The following ZCCHC7 variants were observed in gnomAD, a reference collection of about 807,000 sequenced individuals.
ZCCHC7 encodes the protein zinc finger CCHC domain-containing protein 7.
In ZCCHC7, 35 loss-of-function variants were observed where a neutral mutation model predicts 52.0. That is an observed-to-expected ratio of 0.67 (90% CI 0.51 to 0.89). The LOEUF (loss-of-function observed/expected upper bound fraction) is 0.89, where lower values mean the gene tolerates loss of function less well. Ranked by LOEUF, ZCCHC7 falls within the 40% of genes least tolerant of loss-of-function variation. The probability of loss-of-function intolerance (pLI) is 0.00; values close to 1 mark genes in which losing one functional copy is unlikely to be tolerated. For synonymous variants in ZCCHC7, 217 were observed against 221.5 expected (o/e 0.98, Z 0.18); for missense variants, 574 against 649.1 (o/e 0.88, Z 1.26).
intron 2 of ZCCHC7, among the ~76,000 whole-genome samples, chr9:37,182,183 T>A (rs886132919): frequency 6.6e-6 from 1 of 152,218 alleles, no homozygotes; most frequent in Non-Finnish European, 1.5e-5. Flanking sequence ...GAGGCTGGCC[T>A]TTTAATGAGT....
chr9:37,124,096 T>A (rs1040172233), intron 1 of ZCCHC7, among the ~76,000 whole-genome samples: 3 of 152,206 alleles, frequency 2.0e-5, no homozygotes, highest in Non-Finnish European at 4.4e-5. Flanking sequence ...ACCCTGGTAT[T>A]TTTGGGCAGA....
chr9:37,161,955 G>GGT (rs997088785), intron 2 of ZCCHC7, among the ~76,000 whole-genome samples: 19 of 152,208 alleles, frequency 1.2e-4, no homozygotes, highest in Middle Eastern at 3.4e-3. Context: ...TAGGCAACAT[G>GGT]GTGAGACCTC....
chr9:37,276,246 T>G (rs1827679314), intron 2 of ZCCHC7, among the ~76,000 whole-genome samples: 1 of 152,222 alleles, frequency 6.6e-6, no homozygotes, highest in African/African-American at 2.4e-5. Flanking sequence ...AAGGGGTTAT[T>G]TATGTATTCT....
chr9:37,189,221 G>T (rs1822887651), intron 2 of ZCCHC7, among the ~76,000 whole-genome samples: 1 of 151,722 alleles, frequency 6.6e-6, no homozygotes. Context: ...GTCTTGGTCA[G>T]ATAAATCCAT....
intron 5 of ZCCHC7, chr9:37,326,014 A>G (rs1325018099): frequency 6.6e-6 from 1 of 152,234 alleles, no homozygotes; most frequent in Non-Finnish European, 1.5e-5. Flanking sequence ...ATGACAACTC[A>G]GTGATTGCGA....
At chr9:37,183,226 A>G (rs1013051520) in intron 2 of ZCCHC7, among the ~76,000 whole-genome samples, 9 of 152,208 alleles carry the variant, frequency 5.9e-5, no homozygotes, top group African/African-American at 2.2e-4. Context: ...TTTATTTAAT[A>G]CATAACAGTA....
rs531327916 is a variant in ZCCHC7 at position 37,241,123 on chromosome 9, A to G, written c.611-61065A>G. Among the ~76,000 whole-genome samples, 4 of 151,852 alleles carry G rather than the reference A, an allele frequency of 2.6e-5. 1 individual carries two copies. Among genetic ancestry groups the G allele is most frequent in the African/African-American group, 9.6e-5 (4 of 41,518 alleles). ...CATTACAATAAGGTATCTGGGTCAA[A>G]GATATTTTTCTTGTTTTTTATTTTG... On this transcript the variant is annotated intron_variant, in intron 2 of 8. Transcript: ENST00000336755.
At chr9:37,313,927 T>C (rs1474704359) in intron 5 of ZCCHC7, among the ~76,000 whole-genome samples, 1 of 152,182 alleles carries the variant, frequency 6.6e-6, no homozygotes, top group Non-Finnish European at 1.5e-5. Flanking sequence ...ACTAATACAG[T>C]GTATAACTTA....
chr9:37,313,690 A>T (rs1829693388), intron 5 of ZCCHC7, among the ~76,000 whole-genome samples: 1 of 151,982 alleles, frequency 6.6e-6, no homozygotes. Flanking sequence ...TTCTCATGAG[A>T]TTTGATGGTT....
intron 2 of ZCCHC7, among the ~76,000 whole-genome samples, chr9:37,163,249 G>A (rs1821209462): frequency 6.6e-6 from 1 of 151,690 alleles, no homozygotes; most frequent in African/African-American, 2.4e-5. Context: ...ATTTTTACGT[G>A]TGGTGGCATG....
At chr9:37,306,160 C>T (rs1273138484) in intron 5 of ZCCHC7, among the ~76,000 whole-genome samples, 5 of 151,614 alleles carry the variant, frequency 3.3e-5, no homozygotes, top group African/African-American at 7.3e-5. Flanking sequence ...TTCTGCCTCC[C>T]GGGTTCCAGC....
At chr9:37,220,900 G>T (rs142368205) in intron 2 of ZCCHC7, among the ~76,000 whole-genome samples, 132 of 152,260 alleles carry the variant, frequency 8.7e-4, no homozygotes, top group African/African-American at 3.1e-3. Flanking sequence ...ATTTTGTGAA[G>T]ACCGAATGCA....
At chr9:37,146,745 G>A (rs1022490367) in intron 2 of ZCCHC7, among the ~76,000 whole-genome samples, 1 of 151,786 alleles carries the variant, frequency 6.6e-6, no homozygotes, top group African/African-American at 2.4e-5. Context: ...AATATGATAA[G>A]GACAGATTTA....
chr9:37,258,741 G>A (rs1430666833), intron 2 of ZCCHC7, among the ~76,000 whole-genome samples: 1 of 127,190 alleles, frequency 7.9e-6, no homozygotes, highest in Non-Finnish European at 1.6e-5. Context: ...GGGTGAGAGA[G>A]CGAGATCCTG....
chr9:37,257,281 C>T (rs1402068038), intron 2 of ZCCHC7, among the ~76,000 whole-genome samples: 1 of 152,130 alleles, frequency 6.6e-6, no homozygotes, highest in Non-Finnish European at 1.5e-5. Flanking sequence ...GGGCAGGATA[C>T]CTTTTGTCTT....
intron 2 of ZCCHC7, among the ~76,000 whole-genome samples, chr9:37,247,945 T>C (rs1382585569): frequency 6.6e-6 from 1 of 151,656 alleles, no homozygotes. Flanking sequence ...ATAATAAAGC[T>C]GGAAATCAAG....
intron 2 of ZCCHC7, among the ~76,000 whole-genome samples, chr9:37,201,017 C>T (rs1470640835): frequency 2.0e-5 from 3 of 152,240 alleles, no homozygotes; most frequent in African/African-American, 7.2e-5. Flanking sequence ...GGTAGAAACT[C>T]TCCTGTGTAA....
intron 2 of ZCCHC7, among the ~76,000 whole-genome samples, chr9:37,243,889 A>G (rs1473281641): frequency 6.6e-6 from 1 of 151,786 alleles, no homozygotes. Context: ...CGCACAGTGG[A>G]TTTTTACGTA....
At chr9:37,352,725 C>CTG (rs1196497136) in intron 7 of ZCCHC7, among the ~76,000 whole-genome samples, 1 of 150,518 alleles carries the variant, frequency 6.6e-6, no homozygotes, top group African/African-American at 2.5e-5. Flanking sequence ...GGGGTTTCAC[C>CTG]ATGTTGGCCA....
Sources: gnomAD v4.1 joint callset for allele counts (sites outside exome capture counted in the v4.1 genomes callset) on GRCh38, gnomAD v4.1.1 for gene constraint, MANE v1.5 for transcripts, NCBI Gene and HGNC (gene_info 2026-07-23, HGNC 2026-07-21) for gene names.